TBC1D24: variants seen among roughly 807,000 people sequenced by gnomAD.
TBC1D24 encodes the protein TBC1 domain family member 24, also known as Infantile myoclonic epilepsy.
TBC1D24 carries 47 observed loss-of-function variants against 50.7 expected under a neutral mutation model. The observed-to-expected ratio is 0.93, with a 90% CI of 0.73 to 1.18. The LOEUF is 1.18. Ranked by LOEUF, TBC1D24 falls within the 50% of genes most tolerant of loss-of-function variation. The pLI, the probability that TBC1D24 is intolerant of heterozygous loss-of-function variation, is 0.00. For synonymous variants in TBC1D24, 324 were observed against 335.2 expected (o/e 0.97, Z 0.36); for missense variants, 688 against 766.5 (o/e 0.90, Z 1.21).
rs2065725767 is a variant in TBC1D24 at position 2,495,019 on chromosome 16, C to CAT, written c.-115-1014_-115-1013insTA. Reference sequence around the variant, plus strand: ...AGACCCCATCACACACACACACACACACACACACACACACAAAATAAATAA... The same window carrying CAT: ...AGACCCCATCACACACACACACACACATACACACACACACACAAAATAAATAA... On this transcript the variant is annotated intron_variant, in intron 1 of 7. Transcript: ENST00000646147. Among the ~76,000 whole-genome samples, 3 of 151,760 alleles carry CAT rather than the reference C, an allele frequency of 2.0e-5. No homozygotes were observed. The East Asian group carries it at 5.8e-4, about 29-fold the overall frequency.
Position 2,499,803 on chromosome 16 carries a change from C to G in TBC1D24, c.1207-32C>G. ...GCACAGGGACGCTCCTGGGGGCCTGCGGGCACAGCCTCACCCAGACCTTTC... is the reference window on the plus strand; with the variant it reads ...GCACAGGGACGCTCCTGGGGGCCTGGGGGCACAGCCTCACCCAGACCTTTC... On this transcript the variant is annotated intron_variant, in intron 5 of 7. Coordinates refer to ENST00000646147, the MANE Select transcript of TBC1D24 (RefSeq NM_001199107.2). The surrounding 1 kb of genome is among the most constrained non-coding windows in gnomAD (Gnocchi z 4.0). 6.3e-7 allele frequency: 1 copy of G among 1,587,880 alleles called. No homozygotes were observed. The highest frequency in any genetic ancestry group is 1.1e-5 in the South Asian group (1 of 90,572).
chr16:2,475,384 AG>A lies in TBC1D24; in HGVS notation c.-116+219del, dbSNP rs1017174311. On this transcript the variant is annotated intron_variant, in intron 1 of 7. Transcript: ENST00000646147. The surrounding 1 kb of genome is among the most constrained non-coding windows in gnomAD (Gnocchi z 4.2). ...CTGCAGCTGCGGCTTGGCCTACGGG[AG>A]GGGGCGCAGGAGCGGGACCCCCTGG... 7.4e-5 allele frequency among the ~76,000 whole-genome samples: 11 copies of A among 149,498 alleles called. No individual in the cohort carries two copies. Among genetic ancestry groups the A allele is most frequent in the African/African-American group, 2.7e-4 (11 of 40,706 alleles).
At chr16:2,480,841 G>T (rs1487486778) in intron 1 of TBC1D24, 1 of 152,382 alleles carries the variant, frequency 6.6e-6, no homozygotes, top group African/African-American at 2.4e-5. Flanking sequence ...GCACTCAGGG[G>T]CACTGTCCTT....
At chr16:2,490,347 C>A (rs1431627290) in intron 1 of TBC1D24, among the ~76,000 whole-genome samples, 1 of 152,212 alleles carries the variant, frequency 6.6e-6, no homozygotes, top group Non-Finnish European at 1.5e-5. Flanking sequence ...CCTCGGAGAA[C>A]CAGCGCCACC....
chr16:2,499,518 C>T lies in TBC1D24; in HGVS notation c.1206+98C>T, dbSNP rs1166492915. The stretch of plus-strand genomic sequence containing the variant: ...GCTCTGATGGGCTTCAGGGCCTAGG[C>T]CTCCTGGGCCAGATCCAGAGTCAGA... On this transcript the variant is annotated intron_variant, in intron 5 of 7. Transcript: ENST00000646147. This position sits in a 1 kb window ranked among gnomAD's most constrained non-coding sequence, Gnocchi z 4.0. 1 of 1,091,252 alleles carries T rather than the reference C, an allele frequency of 9.2e-7. No individual in the cohort carries two copies. Among genetic ancestry groups the T allele is most frequent in the Non-Finnish European group, 1.4e-6 (1 of 728,384 alleles). The allele number at this position is 1,091,252 out of a possible 1,614,324, so 67.6% of individuals were successfully genotyped here.
chr16:2,505,492 T>C lies in TBC1D24; in HGVS notation c.*4534T>C, dbSNP rs1269729357. On this transcript the variant is annotated 3_prime_UTR_variant, in exon 8 of 8. Transcript: ENST00000646147. ...TGAGCTAAGGATAGAAGGGAAAAAA[T>C]AGTTGTGTGAATGATTTTACCTCTT... 1 of 152,078 alleles carries C rather than the reference T, an allele frequency of 6.6e-6. No homozygotes were observed. Among genetic ancestry groups the C allele is most frequent in the East Asian group, 1.9e-4 (1 of 5,196 alleles). The allele number at this position is 152,078 out of a possible 1,614,324, so 9.4% of individuals were successfully genotyped here.
Position 2,503,961 on chromosome 16 carries a change from G to A in TBC1D24, c.*3003G>A, listed in dbSNP as rs1187483169. On this transcript the variant is annotated 3_prime_UTR_variant, in exon 8 of 8. Coordinates refer to ENST00000646147, the MANE Select transcript of TBC1D24 (RefSeq NM_001199107.2). ...CCTAATTTAAAATAGTTTATTAAATGAATTCATTAAAGCAGATTATATGCC... is the reference window on the plus strand; with the variant it reads ...CCTAATTTAAAATAGTTTATTAAATAAATTCATTAAAGCAGATTATATGCC... The A allele has an allele frequency of 6.6e-6, 1 of 152,146 alleles. No homozygotes were observed. The highest frequency in any genetic ancestry group is 2.4e-5 in the African/African-American group (1 of 41,422). 9.4% of individuals were successfully genotyped at this position (152,146 alleles called of 1,614,324 possible).
chr16:2,497,558 C>T (rs993864408), intron 2 of TBC1D24, among the ~76,000 whole-genome samples, 152 bp from the exon 3 acceptor site: 1 of 152,260 alleles, frequency 6.6e-6, no homozygotes, highest in South Asian at 2.1e-4. Flanking sequence ...TGGCAGCCAG[C>T]GCTGTGATGG....
At position 2,482,493 on chromosome 16, in the gene TBC1D24, T is replaced by C. The variant is rs1016037932; in HGVS notation, c.-116+7323T>C. ...ACTCTGAACAGTGACATTCCCACAGTGTAGTGTGGGGACTGCAGTTGGCAC... is the reference window on the plus strand; with the variant it reads ...ACTCTGAACAGTGACATTCCCACAGCGTAGTGTGGGGACTGCAGTTGGCAC... On this transcript the variant is annotated intron_variant, in intron 1 of 7. Transcript: ENST00000646147. This position sits in a 1 kb window ranked among gnomAD's most constrained non-coding sequence, Gnocchi z 5.2. Among the ~76,000 whole-genome samples, 3 of 151,786 alleles carry C rather than the reference T, an allele frequency of 2.0e-5. No individual in the cohort carries two copies. The highest frequency in any genetic ancestry group is 4.8e-5 in the African/African-American group (2 of 41,296).
rs2065827014 is a variant in TBC1D24, at chr16:2,505,380, G to A, written c.*4422G>A. ...TTGGGACCAAGGAAGCAAAGTCAGT[G>A]GATACCGTGTCCTGTAGACATGTCA... On this transcript the variant is annotated 3_prime_UTR_variant, in exon 8 of 8. Coordinates refer to ENST00000646147, the MANE Select transcript of TBC1D24 (RefSeq NM_001199107.2). The A allele has an allele frequency of 6.6e-6, 1 of 152,208 alleles. No individual in the cohort carries two copies. The highest frequency in any genetic ancestry group is 2.4e-5 in the African/African-American group (1 of 41,450). 9.4% of individuals were successfully genotyped at this position (152,208 alleles called of 1,614,324 possible).
intron 1 of TBC1D24, among the ~76,000 whole-genome samples, chr16:2,494,919 T>C (rs1267148200): frequency 6.6e-6 from 1 of 152,018 alleles, no homozygotes; most frequent in East Asian, 1.9e-4. Context: ...GCAACGTGAC[T>C]CTCACTCGTA....
Position 2,500,548 on chromosome 16 carries a change from T to C in TBC1D24, c.1525+58T>C. 6.7e-7 allele frequency: 1 copy of C among 1,501,610 alleles called. No individual in the cohort carries two copies. The highest frequency in any genetic ancestry group is 2.0e-5 in the Admixed American group (1 of 50,510). The allele number at this position is 1,501,610 out of a possible 1,614,324, so 93.0% of individuals were successfully genotyped here. ...GGTGTGGGGTCCGGGCAGCTGAAGCTGCTGCACCCAGCCCTCCCTGACCGG... is the reference window on the plus strand; with the variant it reads ...GGTGTGGGGTCCGGGCAGCTGAAGCCGCTGCACCCAGCCCTCCCTGACCGG... On this transcript the variant is annotated intron_variant, in intron 7 of 7. Coordinates refer to ENST00000646147, the MANE Select transcript of TBC1D24 (RefSeq NM_001199107.2). The surrounding 1 kb of genome is among the most constrained non-coding windows in gnomAD (Gnocchi z 8.0).
rs1435432704 is a variant in TBC1D24 at position 2,485,279 on chromosome 16, G to T, written c.-116+10109G>T. 6.6e-6 allele frequency: 1 copy of T among 152,160 alleles called. No individual in the cohort carries two copies. Among genetic ancestry groups the T allele is most frequent in the Non-Finnish European group, 1.5e-5 (1 of 68,082 alleles). 9.4% of individuals were successfully genotyped at this position (152,160 alleles called of 1,614,324 possible). ...CTTTCAGCCCCACCCCCAACCGCGG[G>T]GAGGGGAGAGGTCCAGAGGTGGAAG... On this transcript the variant is annotated intron_variant, in intron 1 of 7. Transcript: ENST00000646147. The surrounding 1 kb of genome is among the most constrained non-coding windows in gnomAD (Gnocchi z 4.6).
rs968318824 is a variant in TBC1D24, at chr16:2,505,512, C to T, written c.*4554C>T. On this transcript the variant is annotated 3_prime_UTR_variant, in exon 8 of 8. Coordinates refer to ENST00000646147, the MANE Select transcript of TBC1D24 (RefSeq NM_001199107.2). ...AAAAATAGTTGTGTGAATGATTTTA[C>T]CTCTTAGTTCTTACGAAGGATGGTT... 10 of 152,128 alleles carry T rather than the reference C, an allele frequency of 6.6e-5. No individual in the cohort carries two copies. The highest frequency in any genetic ancestry group is 2.2e-4 in the African/African-American group (9 of 41,400). 9.4% of individuals were successfully genotyped at this position (152,128 alleles called of 1,614,324 possible).
At chr16:2,498,904 G>A (rs1012334364) in intron 4 of TBC1D24, among the ~76,000 whole-genome samples, 11 of 152,244 alleles carry the variant, frequency 7.2e-5, no homozygotes, top group East Asian at 1.9e-4. Flanking sequence ...ACCCAGCACC[G>A]TTCACAGGTT....
rs1234961109 is a variant in TBC1D24, at chr16:2,503,520, A to G, written c.*2562A>G. ...AAAAGCCAACATTTGTTGAAACTGC[A>G]TAATAAATTATCATTTGTTTTTAGA... On this transcript the variant is annotated 3_prime_UTR_variant, in exon 8 of 8. Transcript: ENST00000646147. 6.7e-6 allele frequency: 1 copy of G among 149,854 alleles called. No individual in the cohort carries two copies. Among genetic ancestry groups the G allele is most frequent in the Non-Finnish European group, 1.5e-5 (1 of 67,604 alleles). 9.3% of individuals were successfully genotyped at this position (149,854 alleles called of 1,614,324 possible).
chr16:2,500,355 A>C lies in TBC1D24; in HGVS notation c.1390A>C (p.Thr464Pro). 6.2e-7 allele frequency: 1 copy of C among 1,609,398 alleles called. No homozygotes were observed. The highest frequency in any genetic ancestry group is 8.5e-7 in the Non-Finnish European group (1 of 1,178,606). The change falls in exon 7 of 8, where the codon ACC (threonine) becomes CCC (proline). Residue 464 changes from threonine (T) to proline (P), a missense_variant. Thr to Pro is a conservative substitution (Grantham distance 38, BLOSUM62 -1). Coordinates refer to ENST00000646147, the MANE Select transcript of TBC1D24 (RefSeq NM_001199107.2). This position sits in a 1 kb window ranked among gnomAD's most constrained non-coding sequence, Gnocchi z 8.0. Reference sequence around the variant, plus strand: ...CCCACCCTTGATGGCTGCCGAGCCCACCGCCCCACTCAGCCACTCCGCCTC... The same window carrying C: ...CCCACCCTTGATGGCTGCCGAGCCCCCCGCCCCACTCAGCCACTCCGCCTC... ...KPPPLMAAEP[T>P]APLSHSASSD...
intron 1 of TBC1D24, among the ~76,000 whole-genome samples, chr16:2,495,642 G>A (rs1040300352): frequency 2.0e-5 from 3 of 152,208 alleles, no homozygotes; most frequent in Non-Finnish European, 4.4e-5. Flanking sequence ...AGCCAGGCAT[G>A]GTGGTGCATG....
At chr16:2,497,809 C>T in intron 3 of TBC1D24, 82 bp downstream of exon 3, 1 of 1,405,184 alleles carries the variant, frequency 7.1e-7, no homozygotes, top group Non-Finnish European at 9.7e-7. Flanking sequence ...CTCTGGGTCT[C>T]AGGGCTGCTC....
Sources: gnomAD v4.1 joint callset for allele counts (sites outside exome capture counted in the v4.1 genomes callset) on GRCh38, gnomAD v4.1.1 for gene constraint, Gnocchi (gnomAD v3.1) non-coding constraint, MANE v1.5 for transcripts, NCBI Gene and HGNC (gene_info 2026-07-23, HGNC 2026-07-21) for gene names.